GRAMD1B: variants seen among roughly 807,000 people sequenced by gnomAD.
The protein encoded by GRAMD1B is protein Aster-B.
A neutral mutation model predicts 99.7 loss-of-function variants in GRAMD1B; 37 were observed. The observed-to-expected ratio is 0.37, with a 90% CI of 0.29 to 0.49. The LOEUF (loss-of-function observed/expected upper bound fraction) is 0.49, where lower values mean the gene tolerates loss of function less well. GRAMD1B is among the 20% of genes least tolerant of loss of function. GRAMD1B has a pLI of 0.98. For missense variants in GRAMD1B, 888 were observed against 1,009.2 expected, an observed-to-expected ratio of 0.88 and a Z score of 1.63; for synonymous variants, 427 against 387.6, an observed-to-expected ratio of 1.10 and a Z score of -1.19.
intron 1 of GRAMD1B, among the ~76,000 whole-genome samples, chr11:123,434,590 C>T (rs1949073853): frequency 6.6e-6 from 1 of 152,090 alleles, no homozygotes; most frequent in East Asian, 1.9e-4. Flanking sequence ...GAGTTCGAGA[C>T]CAGCCTAGCC....
At chr11:123,470,374 A>G (rs1950951868) in intron 1 of GRAMD1B, among the ~76,000 whole-genome samples, 1 of 152,194 alleles carries the variant, frequency 6.6e-6, no homozygotes, top group African/African-American at 2.4e-5. Context: ...TTTTAAAAAT[A>G]GAGTTTCACC....
At chr11:123,502,807 A>C (rs1940010866) in intron 2 of GRAMD1B, among the ~76,000 whole-genome samples, 1 of 151,928 alleles carries the variant, frequency 6.6e-6, no homozygotes, top group South Asian at 2.1e-4. Flanking sequence ...AGAAAGAAAA[A>C]GAAAATGCAC....
chr11:123,448,531 T>C (rs1000022240), intron 1 of GRAMD1B, among the ~76,000 whole-genome samples: 6 of 152,218 alleles, frequency 3.9e-5, no homozygotes, highest in Admixed American at 3.3e-4. Flanking sequence ...CACTTTCTAC[T>C]TCTAAATCCA....
intron 2 of GRAMD1B, among the ~76,000 whole-genome samples, chr11:123,542,319 G>A (rs1325316174): frequency 6.6e-6 from 1 of 152,220 alleles, no homozygotes; most frequent in Non-Finnish European, 1.5e-5. Flanking sequence ...CCAGGCAACT[G>A]AGAGCACTCG....
At chr11:123,376,223 C>CT (rs1181845000) in intron 1 of GRAMD1B, among the ~76,000 whole-genome samples, 13 of 152,078 alleles carry the variant, frequency 8.5e-5, no homozygotes, top group African/African-American at 3.1e-4. Context: ...ACCCATAGTA[C>CT]TACCTTCTTA....
intron 2 of GRAMD1B, among the ~76,000 whole-genome samples, chr11:123,481,945 T>C (rs1951632139): frequency 6.6e-6 from 1 of 152,108 alleles, no homozygotes; most frequent in Admixed American, 6.5e-5. Context: ...TTTACCACAT[T>C]TATCAACTTA....
chr11:123,422,809 T>G (rs1948499146), intron 1 of GRAMD1B, among the ~76,000 whole-genome samples: 1 of 152,222 alleles, frequency 6.6e-6, no homozygotes, highest in South Asian at 2.1e-4. Context: ...AAACCTTGAC[T>G]AGGTACTGTC....
intron 4 of GRAMD1B, among the ~76,000 whole-genome samples, chr11:123,588,393 C>T (rs755051119): frequency 4.6e-5 from 7 of 152,160 alleles, no homozygotes; most frequent in African/African-American, 7.2e-5. Flanking sequence ...CTTCTGCGTA[C>T]GGGACTCATC....
At chr11:123,385,662 G>T (rs1041115709) in intron 1 of GRAMD1B, among the ~76,000 whole-genome samples, 11 of 152,168 alleles carry the variant, frequency 7.2e-5, no homozygotes, top group Admixed American at 3.9e-4. Flanking sequence ...TAGTGTGGGT[G>T]AGTTTGGTTC....
intron 2 of GRAMD1B, among the ~76,000 whole-genome samples, chr11:123,507,457 G>A (rs1043154404): frequency 6.6e-6 from 1 of 152,138 alleles, no homozygotes. Flanking sequence ...TTTTTTATTA[G>A]TGTGGGATGG....
intron 1 of GRAMD1B, among the ~76,000 whole-genome samples, chr11:123,464,316 T>A (rs979492258): frequency 2.0e-5 from 3 of 151,872 alleles, no homozygotes; most frequent in African/African-American, 7.3e-5. Context: ...TCTAAAATAG[T>A]AATAATGATA....
chr11:123,368,275 A>AAAAAAAAAGAAAG (rs60644137), intron 1 of GRAMD1B, among the ~76,000 whole-genome samples: 6 of 127,142 alleles, frequency 4.7e-5, no homozygotes, highest in African/African-American at 1.5e-4. Context: ...AAAAAAAAAA[A>AAAAAAAAAGAAAG]AAAGAAAGAA....
intron 1 of GRAMD1B, among the ~76,000 whole-genome samples, chr11:123,449,715 T>A (rs900239967): frequency 9.9e-6 from 1 of 100,880 alleles, no homozygotes; most frequent in East Asian, 2.7e-4. Context: ...CATGCCTGGC[T>A]TTTTTTTTTT....
In GRAMD1B at chr11:123,492,865, TACACACAC is replaced by T. The variant is rs58113764; in HGVS notation, c.452+11995_452+12002del. Among the ~76,000 whole-genome samples, 1 of 147,940 alleles carries T rather than the reference TACACACAC, an allele frequency of 6.8e-6. No individual in the cohort carries two copies. The highest frequency in any genetic ancestry group is 1.5e-5 in the Non-Finnish European group (1 of 66,936). On this transcript the variant is annotated intron_variant, in intron 2 of 19. Coordinates refer to ENST00000635736, the MANE Select transcript of GRAMD1B (RefSeq NM_001387025.1). This position sits in a 1 kb window ranked among gnomAD's most constrained non-coding sequence, Gnocchi z 4.2. ...TCTCTCTGTCTCTCTCTTTCACACA[TACACACAC>T]ACACACACACACACACACACACGCA...
chr11:123,446,562 C>T (rs1286367859), intron 1 of GRAMD1B, among the ~76,000 whole-genome samples: 1 of 152,186 alleles, frequency 6.6e-6, no homozygotes, highest in Non-Finnish European at 1.5e-5. Context: ...CAGTCGCCTG[C>T]CCATTCAGAA....
At chr11:123,404,661 C>A (rs899721344) in intron 1 of GRAMD1B, among the ~76,000 whole-genome samples, 1 of 152,202 alleles carries the variant, frequency 6.6e-6, no homozygotes, top group Non-Finnish European at 1.5e-5. Flanking sequence ...GAGCAGAACC[C>A]CAGACCTGGA....
chr11:123,480,966 G>A, intron 2 of GRAMD1B, 73 bp downstream of exon 2: 1 of 398,376 alleles, frequency 2.5e-6, no homozygotes, highest in Non-Finnish European at 4.4e-6. Flanking sequence ...GAGGAAGATT[G>A]TGCCTCTGCT....
intron 1 of GRAMD1B, among the ~76,000 whole-genome samples, chr11:123,368,258 C>CAAAAAAAAA (rs1024340450): frequency 5.7e-5 from 5 of 88,218 alleles, no homozygotes; most frequent in Non-Finnish European, 7.1e-5. Flanking sequence ...CATCTTAAAA[C>CAAAAAAAAA]AAAAAAAAAA....
At chr11:123,473,601 A>C (rs1951119709) in intron 1 of GRAMD1B, among the ~76,000 whole-genome samples, 1 of 152,200 alleles carries the variant, frequency 6.6e-6, no homozygotes. Context: ...AGAAGTATTC[A>C]TGAGTTGTAA....
Sources: gnomAD v4.1 joint callset for allele counts (sites outside exome capture counted in the v4.1 genomes callset) on GRCh38, gnomAD v4.1.1 for gene constraint, Gnocchi (gnomAD v3.1) non-coding constraint, MANE v1.5 for transcripts, NCBI Gene and HGNC (gene_info 2026-07-23, HGNC 2026-07-21) for gene names.